The following SEC61A2 variants were observed in gnomAD, a reference collection of about 807,000 sequenced individuals.
The protein encoded by SEC61A2 is protein transport protein Sec61 subunit alpha isoform 2.
A neutral mutation model predicts 59.9 loss-of-function variants in SEC61A2; 28 were observed. The ratio of observed to expected loss-of-function variants is 0.47; its 90% CI spans 0.35 to 0.64. The LOEUF is 0.64. Ranked by LOEUF, SEC61A2 falls within the 30% of genes least tolerant of loss-of-function variation. The probability of loss-of-function intolerance (pLI) is 0.01; values close to 1 mark genes in which losing one functional copy is unlikely to be tolerated. For synonymous variants in SEC61A2, 202 were observed against 214.4 expected (o/e 0.94, Z 0.50); for missense variants, 340 against 585.9 (o/e 0.58, Z 4.33).
rs1834380646 is a variant in SEC61A2, at chr10:12,155,655, A to G, written c.463-123A>G. On this transcript the variant is annotated intron_variant, in intron 6 of 11. Transcript: ENST00000298428. The surrounding 1 kb of genome is among the most constrained non-coding windows in gnomAD (Gnocchi z 4.3). The stretch of plus-strand genomic sequence containing the variant: ...AAAGATGCAGTTGGTCATCACAGTG[A>G]GATTGCAACGATCAGGCCTTAATAT... 8.9e-7 allele frequency: 1 copy of G among 1,118,596 alleles called. No homozygotes were observed. The highest frequency in any genetic ancestry group is 1.5e-5 in the African/African-American group (1 of 64,642). 69.3% of individuals were successfully genotyped at this position (1,118,596 alleles called of 1,614,324 possible).
rs565202435 is a variant in SEC61A2, at chr10:12,156,042, G to C, written c.616+111G>C. 40 of 1,069,646 alleles carry C rather than the reference G, an allele frequency of 3.7e-5. No individual in the cohort carries two copies. The East Asian group carries it at 8.6e-4, about 23-fold the overall frequency. The allele number at this position is 1,069,646 out of a possible 1,614,324, so 66.3% of individuals were successfully genotyped here. On this transcript the variant is annotated intron_variant, in intron 7 of 11. Transcript: ENST00000298428. The surrounding 1 kb of genome is among the most constrained non-coding windows in gnomAD (Gnocchi z 5.2). The stretch of plus-strand genomic sequence containing the variant: ...GCCGTTCTGGTTTGCTCTCCTAGGG[G>C]ATAAGGAATGCGAATTCTTCAAAAC...
At chr10:12,134,108 G>A (rs1206971950) in intron 2 of SEC61A2, among the ~76,000 whole-genome samples, 3 of 152,182 alleles carry the variant, frequency 2.0e-5, no homozygotes, top group Admixed American at 6.5e-5. Context: ...CCGGGTTCAC[G>A]CCATTCTCCT....
At chr10:12,163,270 A>G (rs1003694105) in intron 11 of SEC61A2, among the ~76,000 whole-genome samples, 1 of 145,786 alleles carries the variant, frequency 6.9e-6, no homozygotes. Context: ...CAACCTCCAG[A>G]GTAGCTTGGG....
rs1823965851 is a variant in SEC61A2, at chr10:12,165,112, C to T, written c.*658C>T. On this transcript the variant is annotated 3_prime_UTR_variant, in exon 12 of 12. Transcript: ENST00000298428. The stretch of plus-strand genomic sequence containing the variant: ...CCTCCTCTCTTCCCAGTGACAGCAT[C>T]ATCGTGCTGTTTGCCTGTATTGGCT... 2 of 986,030 alleles carry T rather than the reference C, an allele frequency of 2.0e-6. No individual in the cohort carries two copies. Among genetic ancestry groups the T allele is most frequent in the African/African-American group, 3.5e-5 (2 of 57,242 alleles). 61.1% of individuals were successfully genotyped at this position (986,030 alleles called of 1,614,324 possible). A position where few individuals can be genotyped will look rare whatever the true frequency, so the allele number is the denominator to read the frequency against.
At position 12,156,042 on chromosome 10, in the gene SEC61A2, G is replaced by T; in HGVS notation, c.616+111G>T. ...GCCGTTCTGGTTTGCTCTCCTAGGG[G>T]ATAAGGAATGCGAATTCTTCAAAAC... On this transcript the variant is annotated intron_variant, in intron 7 of 11. Coordinates refer to ENST00000298428, the MANE Select transcript of SEC61A2 (RefSeq NM_018144.4). This position sits in a 1 kb window ranked among gnomAD's most constrained non-coding sequence, Gnocchi z 5.2. 2 of 1,069,644 alleles carry T rather than the reference G, an allele frequency of 1.9e-6. No individual in the cohort carries two copies. Among genetic ancestry groups the T allele is most frequent in the South Asian group, 1.5e-5 (1 of 65,832 alleles). 66.3% of individuals were successfully genotyped at this position (1,069,644 alleles called of 1,614,324 possible).
At chr10:12,134,008 T>C (rs903237939) in intron 2 of SEC61A2, among the ~76,000 whole-genome samples, 8 of 152,196 alleles carry the variant, frequency 5.3e-5, no homozygotes, top group Non-Finnish European at 1.0e-4. Flanking sequence ...GAAGTATTTA[T>C]TTATTTATTT....
At chr10:12,165,955 A>G (rs1834675461), downstream of SEC61A2, 1 of 152,210 alleles carries the variant, frequency 6.6e-6, no homozygotes, top group Non-Finnish European at 1.5e-5. Context: ...CTTTTAATAC[A>G]TAGGAAACCT....
Position 12,129,802 on chromosome 10 carries a change from G to A in SEC61A2, c.7+8G>A. 1 of 1,435,144 alleles carries A rather than the reference G, an allele frequency of 7.0e-7. No homozygotes were observed. Among genetic ancestry groups the A allele is most frequent in the South Asian group, 1.4e-5 (1 of 72,078 alleles). The allele number at this position is 1,435,144 out of a possible 1,614,324, so 88.9% of individuals were successfully genotyped here. The stretch of plus-strand genomic sequence containing the variant: ...CAGCAGCAGCCATGGGCAGTGAGTA[G>A]CGGCGGCTGGAGCGGGGACTCTGGC... On this transcript the variant is annotated splice_region_variant and intron_variant, in intron 1 of 11. Transcript: ENST00000298428. The surrounding 1 kb of genome is among the most constrained non-coding windows in gnomAD (Gnocchi z 5.6).
At chr10:12,165,779 C>CT (rs1709627786), downstream of SEC61A2, 1 of 152,162 alleles carries the variant, frequency 6.6e-6, no homozygotes, top group South Asian at 2.1e-4. Context: ...GTAGCTTATG[C>CT]TTACAAAGCC....
intron 3 of SEC61A2, 147 bp downstream of exon 3, chr10:12,136,317 A>AT (rs1209145795): frequency 3.1e-4 from 137 of 448,896 alleles, no homozygotes; most frequent in Middle Eastern, 1.8e-3. Context: ...TTTATTATTA[A>AT]TTTTTTTTTG....
Position 12,142,973 on chromosome 10 carries a change from T to G in SEC61A2, c.142-144T>G, listed in dbSNP as rs1317812018. ...GTGCACACTTTATACTTTTTTTTTT[T>G]GAGACAGAGTCTCCTGTCACCCAGG... is the stretch of plus-strand genomic sequence containing the variant. On this transcript the variant is annotated intron_variant, in intron 3 of 11. Coordinates refer to ENST00000298428, the MANE Select transcript of SEC61A2 (RefSeq NM_018144.4). This position sits in a 1 kb window ranked among gnomAD's most constrained non-coding sequence, Gnocchi z 5.4. The G allele has an allele frequency of 1.7e-6, 1 of 601,430 alleles. No homozygotes were observed. Among genetic ancestry groups the G allele is most frequent in the Non-Finnish European group, 3.0e-6 (1 of 336,142 alleles). The allele number at this position is 601,430 out of a possible 1,614,324, so 37.3% of individuals were successfully genotyped here.
rs189948622 is a variant in SEC61A2, at chr10:12,148,233, C to T, written c.221-1362C>T. Among the ~76,000 whole-genome samples, 351 of 136,914 alleles carry T rather than the reference C, an allele frequency of 2.6e-3. 1 individual carries two copies. Among genetic ancestry groups the T allele is most frequent in the African/African-American group, 8.9e-3 (337 of 37,748 alleles). The allele number at this position is 136,914 out of a possible 152,430, so 89.8% of individuals were successfully genotyped here. A position where few individuals can be genotyped will look rare whatever the true frequency, so the allele number is the denominator to read the frequency against. ...GGATTACAGGCGTGAGCCACCATGC[C>T]CGGCCATTTTTTTTTTTTTTTTTTT... is the stretch of plus-strand genomic sequence containing the variant. On this transcript the variant is annotated intron_variant, in intron 4 of 11. Transcript: ENST00000298428.
chr10:12,130,792 T>C (rs1434747964), intron 1 of SEC61A2: 1 of 153,924 alleles, frequency 6.5e-6, no homozygotes, highest in Non-Finnish European at 1.5e-5. Context: ...CAATTACTTC[T>C]CAAAAACCGC....
rs1179510672 is a variant in SEC61A2, at chr10:12,143,767, G to A, written c.220+572G>A. On this transcript the variant is annotated intron_variant, in intron 4 of 11. Coordinates refer to ENST00000298428, the MANE Select transcript of SEC61A2 (RefSeq NM_018144.4). This position sits in a 1 kb window ranked among gnomAD's most constrained non-coding sequence, Gnocchi z 4.8. ...AGGGAGTCCAGTGTGTGAGCCAATC[G>A]GGGAGCTCAGCTGGAGCTGAGCCTG... 6.6e-6 allele frequency among the ~76,000 whole-genome samples: 1 copy of A among 152,022 alleles called. No homozygotes were observed. Among genetic ancestry groups the A allele is most frequent in the East Asian group, 1.9e-4 (1 of 5,182 alleles).
chr10:12,131,682 C>CTTTTTTTTTTTT (rs1199525836), intron 1 of SEC61A2, among the ~76,000 whole-genome samples: 3 of 46,538 alleles, frequency 6.4e-5, no homozygotes, highest in Admixed American at 3.4e-4. Context: ...GATTACATAC[C>CTTTTTTTTTTTT]TTTTTTTTTT....
In SEC61A2 at chr10:12,145,798, A is replaced by G. The variant is rs1834124692; in HGVS notation, c.220+2603A>G. Reference sequence around the variant, plus strand: ...GAAAAAAGAAAAAACATTGTTTTAAATAAAGGAGAAAAATTAAGGAATAGG... The same window carrying G: ...GAAAAAAGAAAAAACATTGTTTTAAGTAAAGGAGAAAAATTAAGGAATAGG... On this transcript the variant is annotated intron_variant, in intron 4 of 11. Transcript: ENST00000298428. The surrounding 1 kb of genome is among the most constrained non-coding windows in gnomAD (Gnocchi z 4.4). 6.6e-6 allele frequency among the ~76,000 whole-genome samples: 1 copy of G among 152,250 alleles called. No homozygotes were observed. Among genetic ancestry groups the G allele is most frequent in the African/African-American group, 2.4e-5 (1 of 41,472 alleles).
Position 12,140,723 on chromosome 10 carries a change from G to A in SEC61A2, c.142-2394G>A, listed in dbSNP as rs572434691. Reference sequence around the variant, plus strand: ...CGATTCTCCTCCCTCAGCCCCCGGAGTAGCTGGGACTACAGGCACGTGCCA... The same window carrying A: ...CGATTCTCCTCCCTCAGCCCCCGGAATAGCTGGGACTACAGGCACGTGCCA... On this transcript the variant is annotated intron_variant, in intron 3 of 11. Transcript: ENST00000298428. Among the ~76,000 whole-genome samples, 5 of 152,242 alleles carry A rather than the reference G, an allele frequency of 3.3e-5. No individual in the cohort carries two copies. In the East Asian group the frequency reaches 5.8e-4, roughly 18 times the overall value.
At chr10:12,168,094 G>A (rs550047415), downstream of SEC61A2, among the ~76,000 whole-genome samples, 87 of 151,218 alleles carry the variant, frequency 5.8e-4, no homozygotes, top group African/African-American at 2.0e-3. This position sits in a 1 kb window ranked among gnomAD's most constrained non-coding sequence, Gnocchi z 4.8. Context: ...GCGTGATCTC[G>A]GCTCACTGCA....
chr10:12,155,855 C>T lies in SEC61A2; in HGVS notation c.540C>T (p.Ser180=). 1 of 1,614,122 alleles carries T rather than the reference C, an allele frequency of 6.2e-7. No homozygotes were observed. The highest frequency in any genetic ancestry group is 1.6e-4 in the Middle Eastern group (1 of 6,062). The part of the protein sequence containing the change: ...QKGYGLGSGI[S]LFIATNICET... ...GTTACGGCTTGGGGTCTGGGATTTC[C>T]CTCTTTATTGCCACCAACATCTGTG... The change falls in exon 7 of 12, where the codon TCC becomes TCT. Residue 180 remains serine (S), a synonymous_variant. Transcript: ENST00000298428. The surrounding 1 kb of genome is among the most constrained non-coding windows in gnomAD (Gnocchi z 4.3).
Sources: gnomAD v4.1 joint callset for allele counts (sites outside exome capture counted in the v4.1 genomes callset) on GRCh38, gnomAD v4.1.1 for gene constraint, Gnocchi (gnomAD v3.1) non-coding constraint, MANE v1.5 for transcripts, NCBI Gene and HGNC (gene_info 2026-07-23, HGNC 2026-07-21) for gene names.